DNAJC24: variants seen among roughly 807,000 people sequenced by gnomAD.
The protein encoded by DNAJC24 is DnaJ heat shock protein family (Hsp40) member C24, also known as dnaJ homolog subfamily C member 24.
Under a neutral mutation model 18.0 loss-of-function variants are expected in DNAJC24, and 17 were observed. The observed-to-expected ratio is 0.94, with a 90% CI of 0.65 to 1.42. The LOEUF is 1.42. Ranked by LOEUF, DNAJC24 falls within the 40% of genes most tolerant of loss-of-function variation. The pLI is 0.00. For synonymous variants in DNAJC24, 55 were observed against 57.7 expected, an observed-to-expected ratio of 0.95 and a Z score of 0.21; for missense variants, 158 against 175.6, an observed-to-expected ratio of 0.90 and a Z score of 0.57.
intron 2 of DNAJC24, among the ~76,000 whole-genome samples, chr11:31,374,859 G>T (rs1952297307): frequency 7.4e-6 from 1 of 135,050 alleles, no homozygotes; most frequent in South Asian, 2.5e-4. Context: ...ATTTATTGAT[G>T]AATTTTCCAT....
chr11:31,416,893 C>A (rs1255920259), intron 3 of DNAJC24: 1 of 152,128 alleles, frequency 6.6e-6, no homozygotes, highest in Non-Finnish European at 1.5e-5. Flanking sequence ...TTCTTTTGAG[C>A]TTTGAGTCCT....
intron 2 of DNAJC24, chr11:31,407,319 G>A (rs1952665564): frequency 6.6e-6 from 1 of 152,094 alleles, no homozygotes; most frequent in Admixed American, 6.6e-5. Flanking sequence ...TGTAGTTAAG[G>A]ATTAATATAT....
At chr11:31,386,086 G>A (rs1952427552) in intron 2 of DNAJC24, among the ~76,000 whole-genome samples, 1 of 152,086 alleles carries the variant, frequency 6.6e-6, no homozygotes, top group Middle Eastern at 3.2e-3. Flanking sequence ...TATCCCAGAG[G>A]TCTGAATCTG....
chr11:31,377,811 G>A (rs181915804), intron 2 of DNAJC24, among the ~76,000 whole-genome samples: 1 of 152,168 alleles, frequency 6.6e-6, no homozygotes, highest in Admixed American at 6.5e-5. Flanking sequence ...AAGAGTTATT[G>A]TGTTGGAAAA....
chr11:31,380,836 T>C (rs1952369653), intron 2 of DNAJC24, among the ~76,000 whole-genome samples: 1 of 152,156 alleles, frequency 6.6e-6, no homozygotes, highest in African/African-American at 2.4e-5. Flanking sequence ...GGATCTGCTT[T>C]CTGTTGCTAT....
intron 3 of DNAJC24, among the ~76,000 whole-genome samples, chr11:31,419,522 A>C (rs1439866268): frequency 6.6e-6 from 1 of 152,054 alleles, no homozygotes. Flanking sequence ...GTTTTGAGTA[A>C]AAATTTGGCT....
chr11:31,393,762 T>C (rs930462261), intron 2 of DNAJC24, among the ~76,000 whole-genome samples: 1 of 152,202 alleles, frequency 6.6e-6, no homozygotes, highest in Non-Finnish European at 1.5e-5. Flanking sequence ...TATTTTGTTA[T>C]AGCAGCATAA....
intron 2 of DNAJC24, among the ~76,000 whole-genome samples, chr11:31,380,697 G>A (rs1488799654): frequency 6.6e-6 from 1 of 152,120 alleles, no homozygotes; most frequent in Non-Finnish European, 1.5e-5. Context: ...GCAATAAAGT[G>A]TACCTATTTT....
At chr11:31,398,845 G>T (rs924132566) in intron 2 of DNAJC24, among the ~76,000 whole-genome samples, 1 of 152,236 alleles carries the variant, frequency 6.6e-6, no homozygotes, top group South Asian at 2.1e-4. Context: ...TGTGTACATC[G>T]CCACTCTTAT....
chr11:31,398,619 T>C (rs1952567684), intron 2 of DNAJC24, among the ~76,000 whole-genome samples: 1 of 152,222 alleles, frequency 6.6e-6, no homozygotes, highest in Non-Finnish European at 1.5e-5. Flanking sequence ...TCATATCTTG[T>C]TTACTGTTTT....
intron 2 of DNAJC24, among the ~76,000 whole-genome samples, chr11:31,380,285 A>G (rs998437464): frequency 1.3e-5 from 2 of 152,250 alleles, no homozygotes; most frequent in African/African-American, 4.8e-5. Flanking sequence ...AGCACAGAAA[A>G]GTAGAACAAA....
chr11:31,423,033 ATT>A (rs1952823115), intron 3 of DNAJC24, among the ~76,000 whole-genome samples: 1 of 152,152 alleles, frequency 6.6e-6, no homozygotes, highest in Admixed American at 6.5e-5. Flanking sequence ...TTTTTCAGAA[ATT>A]GTTAGATTAC....
chr11:31,412,038 C>T (rs1437224738), intron 2 of DNAJC24, among the ~76,000 whole-genome samples: 1 of 152,068 alleles, frequency 6.6e-6, no homozygotes, highest in Non-Finnish European at 1.5e-5. Flanking sequence ...AGACTTAAAG[C>T]CTCAGATGGC....
intron 2 of DNAJC24, among the ~76,000 whole-genome samples, chr11:31,404,254 G>A (rs1175392693): frequency 6.6e-6 from 1 of 152,156 alleles, no homozygotes; most frequent in Non-Finnish European, 1.5e-5. Flanking sequence ...TGGGAATGCA[G>A]CCCAGTAGGT....
chr11:31,386,109 AG>A (rs1952427738), intron 2 of DNAJC24, among the ~76,000 whole-genome samples: 1 of 152,126 alleles, frequency 6.6e-6, no homozygotes, highest in Non-Finnish European at 1.5e-5. Flanking sequence ...TTCCAATTCC[AG>A]CAAACCCTGC....
intron 2 of DNAJC24, chr11:31,408,326 T>G: frequency 2.6e-6 from 1 of 389,406 alleles, no homozygotes; most frequent in Non-Finnish European, 5.0e-6. Context: ...CTCTGAAGAT[T>G]TGAGGTGAGT....
At chr11:31,392,769 G>A (rs1439758669) in intron 2 of DNAJC24, among the ~76,000 whole-genome samples, 1 of 150,226 alleles carries the variant, frequency 6.7e-6, no homozygotes, top group African/African-American at 2.5e-5. Context: ...GAGCACAATG[G>A]TGTGATCTCA....
chr11:31,424,988 C>CT lies in DNAJC24; in HGVS notation c.251-1291dup, dbSNP rs911067278. ...TTTTTTTGTTTTTTTCTTTTTTCTT[C>CT]TTTTTTTTATTCTAGAAGAACAATA... On this transcript the variant is annotated intron_variant, in intron 3 of 4. Transcript: ENST00000465995. Among the ~76,000 whole-genome samples, 22 of 150,520 alleles carry CT rather than the reference C, an allele frequency of 1.5e-4. No individual in the cohort carries two copies. The South Asian group carries it at 1.9e-3, about 13-fold the overall frequency.
chr11:31,409,237 A>G (rs1952682224), intron 2 of DNAJC24, among the ~76,000 whole-genome samples: 1 of 152,194 alleles, frequency 6.6e-6, no homozygotes, highest in African/African-American at 2.4e-5. Context: ...AAATTTAGAC[A>G]TGTCTGAAGA....
Sources: allele counts gnomAD v4.1 joint callset (sites outside exome capture counted in the v4.1 genomes callset), GRCh38; gene constraint gnomAD v4.1.1; transcripts MANE v1.5; gene names NCBI Gene and HGNC (gene_info 2026-07-23, HGNC 2026-07-21).